GMEB1: variants seen among roughly 807,000 people sequenced by gnomAD.
GMEB1 encodes the protein glucocorticoid modulatory element binding protein 1.
GMEB1 carries 6 observed loss-of-function variants against 52.4 expected under a neutral mutation model. The observed-to-expected ratio is 0.11, with a 90% confidence interval of 0.06 to 0.23. The LOEUF (loss-of-function observed/expected upper bound fraction) is 0.23. Ranked by LOEUF, GMEB1 falls within the 10% of genes least tolerant of loss-of-function variation. GMEB1 has a pLI of 1.00. For missense variants in GMEB1, 486 were observed against 685.6 expected (o/e 0.71, Z 3.25); for synonymous variants, 255 against 244.9 (o/e 1.04, Z -0.38).
chr1:28,680,665 A>G (rs1669350830), intron 1 of GMEB1, among the ~76,000 whole-genome samples: 1 of 151,618 alleles, frequency 6.6e-6, no homozygotes, highest in Non-Finnish European at 1.5e-5. Flanking sequence ...AACCTAGGAA[A>G]GGGAGGTGGT....
At chr1:28,697,405 T>C (rs1275186224) in intron 6 of GMEB1, among the ~76,000 whole-genome samples, 1 of 151,876 alleles carries the variant, frequency 6.6e-6, no homozygotes, top group Non-Finnish European at 1.5e-5. Flanking sequence ...ACAGGGTTTC[T>C]CCATGTTGAT....
intron 1 of GMEB1, among the ~76,000 whole-genome samples, 200 bp from the exon 2 acceptor site, chr1:28,683,383 G>A (rs148797417): frequency 1.4e-4 from 21 of 152,074 alleles, no homozygotes; most frequent in African/African-American, 2.9e-4. Context: ...GCTCCACCAC[G>A]TACCCGGTTA....
intron 1 of GMEB1, among the ~76,000 whole-genome samples, chr1:28,680,984 T>C (rs1669365054): frequency 6.6e-6 from 1 of 152,032 alleles, no homozygotes; most frequent in South Asian, 2.1e-4. Flanking sequence ...GCGGAGGTTA[T>C]AGTGAGCTGA....
At chr1:28,708,913 C>T (rs573386056) in intron 8 of GMEB1, among the ~76,000 whole-genome samples, 4 of 152,034 alleles carry the variant, frequency 2.6e-5, no homozygotes, top group Admixed American at 2.6e-4. Context: ...GGGCAGATCA[C>T]AAGGTCAGGA....
chr1:28,682,503 C>A (rs1465814619), intron 1 of GMEB1, among the ~76,000 whole-genome samples: 1 of 151,590 alleles, frequency 6.6e-6, no homozygotes, highest in Non-Finnish European at 1.5e-5. Flanking sequence ...CACCTGTAAT[C>A]CAAGCTACTT....
intron 1 of GMEB1, among the ~76,000 whole-genome samples, chr1:28,674,665 G>C (rs1669058848): frequency 3.3e-5 from 5 of 149,776 alleles, no homozygotes; most frequent in African/African-American, 1.2e-4. Flanking sequence ...AAAGTGCTGG[G>C]ATTACAGGTG....
At chr1:28,702,392 T>G in intron 6 of GMEB1, 46 bp from the exon 7 acceptor site, 1 of 1,569,482 alleles carries the variant, frequency 6.4e-7, no homozygotes, top group Non-Finnish European at 8.7e-7. Flanking sequence ...TAGCTATAAC[T>G]TTTTCGTTAA....
Position 28,718,987 on chromosome 1 carries a change from G to C in GMEB1, c.*4214G>C, listed in dbSNP as rs931808113. 1 of 152,198 alleles carries C rather than the reference G, an allele frequency of 6.6e-6. No homozygotes were observed. The highest frequency in any genetic ancestry group is 2.4e-5 in the African/African-American group (1 of 41,452). The allele number at this position is 152,198 out of a possible 1,614,324, so 9.4% of individuals were successfully genotyped here. The stretch of plus-strand genomic sequence containing the variant: ...TGGGCTTATTTATTCTAGAGAAAAA[G>C]TCTTCAGTCTCTTGCTTCTGCCTGC... On this transcript the variant is annotated 3_prime_UTR_variant, in exon 10 of 10. Coordinates refer to ENST00000373816, the MANE Select transcript of GMEB1 (RefSeq NM_001319674.2).
intron 7 of GMEB1, among the ~76,000 whole-genome samples, chr1:28,703,391 G>A (rs1372969959): frequency 1.3e-5 from 2 of 152,168 alleles, no homozygotes. Flanking sequence ...ACCAGGTGCG[G>A]TGGCTCATGC....
intron 9 of GMEB1, among the ~76,000 whole-genome samples, chr1:28,713,633 C>T (rs947134610): frequency 2.6e-5 from 4 of 152,190 alleles, no homozygotes; most frequent in South Asian, 2.1e-4. Context: ...GTTTGAGTCA[C>T]CAGCAAAGGA....
chr1:28,694,112 T>C (rs1670088201), intron 5 of GMEB1, among the ~76,000 whole-genome samples: 2 of 151,912 alleles, frequency 1.3e-5, no homozygotes, highest in African/African-American at 2.4e-5. Flanking sequence ...ATTTTGGCTG[T>C]GTTAAGACAT....
At chr1:28,689,843 T>C (rs913894371) in intron 2 of GMEB1, 2 of 339,816 alleles carry the variant, frequency 5.9e-6, no homozygotes, top group Non-Finnish European at 1.1e-5. Flanking sequence ...CAGTAGCAAG[T>C]GGTGGTATAA....
chr1:28,696,597 G>A (rs1392676705), intron 5 of GMEB1, among the ~76,000 whole-genome samples: 1 of 152,104 alleles, frequency 6.6e-6, no homozygotes, highest in African/African-American at 2.4e-5. Flanking sequence ...TTTCCAGAGT[G>A]GGTTTAGTAT....
At chr1:28,699,949 C>T (rs1670413450) in intron 6 of GMEB1, among the ~76,000 whole-genome samples, 1 of 150,642 alleles carries the variant, frequency 6.6e-6, no homozygotes, top group African/African-American at 2.4e-5. Context: ...GCGGTGTGGG[C>T]CTGTGGTCCC....
intron 6 of GMEB1, among the ~76,000 whole-genome samples, chr1:28,701,202 C>T (rs990335159): frequency 4.0e-5 from 6 of 150,162 alleles, no homozygotes; most frequent in African/African-American, 7.3e-5. Flanking sequence ...GTGTAGAGTC[C>T]GTACTTTCCT....
Position 28,714,181 on chromosome 1 carries a change from C to T in GMEB1, c.1100C>T (p.Pro367Leu). The change falls in exon 10 of 10, where the codon CCA becomes CTA. Residue 367 changes from proline to leucine, a missense_variant. Pro to Leu is a moderately conservative substitution (Grantham distance 98). Around this residue, in one of 5 missense-constraint regions of GMEB1, gnomAD observed 200 missense variants for 253.5 expected, o/e 0.79. Transcript: ENST00000373816. ...ATGCCTGTGAGCACTCCTAAGCCTC[C>T]AAAAAGGCCCCGGCTCCAGCGGCCA... ...VLMPVSTPKPPKRPRLQRPAS... is the reference protein window; with the variant it reads ...VLMPVSTPKPLKRPRLQRPAS... 6.2e-7 allele frequency: 1 copy of T among 1,614,178 alleles called. No homozygotes were observed.
intron 2 of GMEB1, among the ~76,000 whole-genome samples, chr1:28,688,440 G>A (rs376800619): frequency 6.6e-6 from 1 of 152,068 alleles, no homozygotes; most frequent in African/African-American, 2.4e-5. Context: ...GTAACAAGAT[G>A]CAATAATTAG....
chr1:28,711,564 C>T (rs1671064824), intron 9 of GMEB1, among the ~76,000 whole-genome samples: 1 of 152,146 alleles, frequency 6.6e-6, no homozygotes, highest in African/African-American at 2.4e-5. Flanking sequence ...CAGGGTGACC[C>T]TCCCACCTCA....
intron 8 of GMEB1, among the ~76,000 whole-genome samples, 172 bp downstream of exon 8, chr1:28,704,501 G>T (rs576764638): frequency 6.6e-6 from 1 of 152,250 alleles, no homozygotes; most frequent in South Asian, 2.1e-4. Flanking sequence ...TCATAACTAG[G>T]TTTTGAACTC....
Sources: gnomAD v4.1 joint callset for allele counts (sites outside exome capture counted in the v4.1 genomes callset) on GRCh38, gnomAD v4.1.1 for gene constraint, gnomAD v4.1.1 regional missense constraint, MANE v1.5 for transcripts, NCBI Gene and HGNC (gene_info 2026-07-23, HGNC 2026-07-21) for gene names.